The following ZSWIM6 variants were observed in gnomAD, a reference collection of about 807,000 sequenced individuals.
ZSWIM6 encodes zinc finger SWIM domain-containing protein 6.
In ZSWIM6, 9 loss-of-function variants were observed where a neutral mutation model predicts 113.2. The ratio of observed to expected loss-of-function variants is 0.08; its 90% CI spans 0.05 to 0.14. The LOEUF (loss-of-function observed/expected upper bound fraction) is 0.14, where lower values mean the gene tolerates loss of function less well. Among genes scored for constraint, ZSWIM6 ranks in the 10% least tolerant of loss-of-function variants. The pLI, the probability that ZSWIM6 is intolerant of heterozygous loss-of-function variation, is 1.00. For synonymous variants in ZSWIM6, 611 were observed against 606.5 expected (o/e 1.01, Z -0.11); for missense variants, 1,162 against 1,552.2 (o/e 0.75, Z 4.22).
intron 1 of ZSWIM6, among the ~76,000 whole-genome samples, chr5:61,400,530 C>T (rs1326108381): frequency 1.3e-5 from 2 of 152,198 alleles, no homozygotes; most frequent in Non-Finnish European, 2.9e-5. Context: ...CTTTTATAGA[C>T]AGCATCTGTC....
chr5:61,480,160 T>C (rs1044364687), intron 2 of ZSWIM6, among the ~76,000 whole-genome samples: 6 of 152,200 alleles, frequency 3.9e-5, no homozygotes, highest in African/African-American at 1.4e-4. Context: ...TTAATGAGCA[T>C]TGGAGAATGT....
At chr5:61,340,956 A>G (rs1744532334) in intron 1 of ZSWIM6, among the ~76,000 whole-genome samples, 1 of 152,248 alleles carries the variant, frequency 6.6e-6, no homozygotes, top group African/African-American at 2.4e-5. Flanking sequence ...AAGTTCAGAA[A>G]AAGGATTGTT....
chr5:61,525,803 C>T lies in ZSWIM6; in HGVS notation c.1517C>T (p.Ser506Leu). The T allele has an allele frequency of 6.4e-7, 1 of 1,551,456 alleles. No homozygotes were observed. Residue 506 changes from serine (S) to leucine (L), a missense_variant, in exon 6 of 14, where the codon TCA (serine) becomes TTA (leucine). By Grantham distance (145) the Ser-to-Leu change is moderately radical. This residue lies in a region of ZSWIM6 where 620 missense variants were observed against 804.6 expected (regional missense o/e 0.77). Coordinates refer to ENST00000252744, the MANE Select transcript of ZSWIM6 (RefSeq NM_020928.2). Reference sequence around the variant, plus strand: ...TTCTGAATTGTGGAAAAAACAGATTCATCGAACAGGCCACATCGGACAGTG... The same window carrying T: ...TTCTGAATTGTGGAAAAAACAGATTTATCGAACAGGCCACATCGGACAGTG... ...LPQGANANQD[S>L]SNRPHRTVFT...
intron 1 of ZSWIM6, among the ~76,000 whole-genome samples, chr5:61,384,840 G>A (rs574572070): frequency 9.9e-5 from 15 of 152,204 alleles, no homozygotes; most frequent in South Asian, 2.1e-4. Context: ...GGCGGATCAC[G>A]AGGTCAGGAG....
intron 1 of ZSWIM6, among the ~76,000 whole-genome samples, chr5:61,415,853 T>G (rs1348810563): frequency 6.6e-6 from 1 of 152,228 alleles, no homozygotes; most frequent in Non-Finnish European, 1.5e-5. Flanking sequence ...TTAAAAAAGA[T>G]TTTTGGTTTG....
intron 2 of ZSWIM6, among the ~76,000 whole-genome samples, chr5:61,480,773 A>C (rs1212718649): frequency 6.6e-6 from 1 of 152,064 alleles, no homozygotes; most frequent in Non-Finnish European, 1.5e-5. Flanking sequence ...TGAGTCGCTA[A>C]AGTTTGTTGT....
chr5:61,434,029 T>G (rs1372180335), intron 1 of ZSWIM6, among the ~76,000 whole-genome samples: 1 of 146,248 alleles, frequency 6.8e-6, no homozygotes, highest in Non-Finnish European at 1.5e-5. Context: ...AATAGAAAAA[T>G]ATAATAAAAA....
At chr5:61,486,582 T>G (rs1344806909) in intron 2 of ZSWIM6, among the ~76,000 whole-genome samples, 4 of 152,166 alleles carry the variant, frequency 2.6e-5, no homozygotes, top group African/African-American at 9.7e-5. Context: ...AGCTCTATTT[T>G]CTCTACATCC....
At chr5:61,477,797 GC>G (rs1210703899) in intron 2 of ZSWIM6, among the ~76,000 whole-genome samples, 3 of 152,206 alleles carry the variant, frequency 2.0e-5, no homozygotes, top group African/African-American at 7.2e-5. Context: ...TATCCTGATA[GC>G]TTCTCTAAGC....
chr5:61,527,289 T>C (rs889976609), intron 7 of ZSWIM6, among the ~76,000 whole-genome samples: 1 of 152,232 alleles, frequency 6.6e-6, no homozygotes, highest in Admixed American at 6.5e-5. Flanking sequence ...GTTTTCACTC[T>C]GTGATTTTAT....
intron 1 of ZSWIM6, among the ~76,000 whole-genome samples, chr5:61,466,139 A>T (rs553653019): frequency 6.6e-6 from 1 of 152,276 alleles, no homozygotes; most frequent in Non-Finnish European, 1.5e-5. Context: ...TTTGTTTTTA[A>T]TATCGATTAT....
intron 1 of ZSWIM6, among the ~76,000 whole-genome samples, chr5:61,350,120 C>G (rs1327318071): frequency 6.6e-6 from 1 of 152,192 alleles, no homozygotes; most frequent in African/African-American, 2.4e-5. Context: ...ACTCTCAGTG[C>G]TTGGCCCCTG....
chr5:61,513,160 T>G lies in ZSWIM6; in HGVS notation c.1334-8103T>G, dbSNP rs111664312. Among the ~76,000 whole-genome samples the G allele has an allele frequency of 2.8e-3, 427 of 152,244 alleles. 2 individuals carry two copies. Among genetic ancestry groups the G allele is most frequent in the African/African-American group, 9.8e-3 (407 of 41,566 alleles). ...CTGCACCCAAACTCCTGGCTACCAC[T>G]GTTCTTTTTACCATCTCCATAGTTT... On this transcript the variant is annotated intron_variant, in intron 4 of 13. Coordinates refer to ENST00000252744, the MANE Select transcript of ZSWIM6 (RefSeq NM_020928.2).
At chr5:61,400,514 T>G (rs1027252497) in intron 1 of ZSWIM6, among the ~76,000 whole-genome samples, 1 of 152,216 alleles carries the variant, frequency 6.6e-6, no homozygotes, top group Non-Finnish European at 1.5e-5. Flanking sequence ...TTTTTGTTAT[T>G]GGTTTCTTTT....
chr5:61,373,527 G>A (rs1320975929), intron 1 of ZSWIM6, among the ~76,000 whole-genome samples: 1 of 151,904 alleles, frequency 6.6e-6, no homozygotes, highest in Admixed American at 6.6e-5. Flanking sequence ...GCTACCACTG[G>A]TACCCTAAGT....
chr5:61,513,193 T>G (rs1254020614), intron 4 of ZSWIM6, among the ~76,000 whole-genome samples: 2 of 152,130 alleles, frequency 1.3e-5, no homozygotes, highest in Non-Finnish European at 2.9e-5. Context: ...TTTTCTCTTT[T>G]CCAGAATGTC....
chr5:61,388,403 G>T (rs1235987666), intron 1 of ZSWIM6, among the ~76,000 whole-genome samples: 2 of 152,174 alleles, frequency 1.3e-5, no homozygotes, highest in East Asian at 3.8e-4. Flanking sequence ...TTAGTGGCCT[G>T]TCAAAGCTAT....
intron 7 of ZSWIM6, among the ~76,000 whole-genome samples, chr5:61,526,630 G>C (rs748930869): frequency 6.6e-6 from 1 of 151,944 alleles, no homozygotes; most frequent in Admixed American, 6.6e-5. Flanking sequence ...CTTTTTTAAG[G>C]GGGATAATTT....
chr5:61,402,328 G>A (rs549467360), intron 1 of ZSWIM6, among the ~76,000 whole-genome samples: 20 of 152,258 alleles, frequency 1.3e-4, no homozygotes, highest in Non-Finnish European at 2.5e-4. Context: ...ATCCATAAAT[G>A]CTTGAAGTTC....
Sources: gnomAD v4.1 joint callset for allele counts (sites outside exome capture counted in the v4.1 genomes callset) on GRCh38, gnomAD v4.1.1 for gene constraint, gnomAD v4.1.1 regional missense constraint, MANE v1.5 for transcripts, NCBI Gene and HGNC (gene_info 2026-07-23, HGNC 2026-07-21) for gene names.